Variants in GSDMC observed in about 807,000 individuals in gnomAD.
The protein encoded by GSDMC is gasdermin-C.
GSDMC carries 59 observed loss-of-function variants against 58.0 expected under a neutral mutation model. That is an observed-to-expected ratio of 1.02 (90% confidence interval 0.82 to 1.26). The LOEUF is 1.26. Ranked by LOEUF, GSDMC falls within the 50% of genes most tolerant of loss-of-function variation. The pLI is 0.00. For synonymous variants in GSDMC, 241 were observed against 220.2 expected (o/e 1.09, Z -0.83); for missense variants, 659 against 598.5 (o/e 1.10, Z -1.06).
At chr8:129,724,939 A>G in the GSDMC span, among the ~76,000 whole-genome samples, 1 of 152,286 alleles carries the variant, frequency 6.6e-6, no homozygotes, top group African/African-American at 2.4e-5. Flanking sequence ...AGGGACTAAG[A>G]TCTCAAGCTC....
intron 3 of GSDMC, among the ~76,000 whole-genome samples, chr8:129,768,503 T>C (rs887378320): frequency 6.6e-6 from 1 of 152,016 alleles, no homozygotes; most frequent in Admixed American, 6.6e-5. Flanking sequence ...CAAAATTAGT[T>C]CCACAAAGAA....
chr8:129,773,183 GCTGAAAGCTTTTC>G (rs1227128816), intron 3 of GSDMC, among the ~76,000 whole-genome samples: 2 of 152,104 alleles, frequency 1.3e-5, no homozygotes, highest in Non-Finnish European at 2.9e-5. Flanking sequence ...ATGTTGAAAA[GCTGAAAGCTTTTC>G]CTTTAAAATA....
the GSDMC span, among the ~76,000 whole-genome samples, chr8:129,707,345 G>C: frequency 2.0e-5 from 3 of 152,108 alleles, no homozygotes; most frequent in African/African-American, 7.2e-5. Flanking sequence ...TCAAAATGCA[G>C]GGAAAACATG....
In GSDMC at chr8:129,761,688, C is replaced by T. The variant is rs1483750724; in HGVS notation, c.676+938G>A. On this transcript the variant is annotated intron_variant, in intron 5 of 13. Coordinates refer to ENST00000276708, the MANE Select transcript of GSDMC (RefSeq NM_031415.3). ...GATAGTGCCACCATCTCCTGTTGCC[C>T]TCAGCAGGACTCTCTGACCTCTCCT... 3.3e-5 allele frequency among the ~76,000 whole-genome samples: 5 copies of T among 152,168 alleles called. 1 individual carries two copies. Among genetic ancestry groups the T allele is most frequent in the African/African-American group, 1.2e-4 (5 of 41,424 alleles).
chr8:129,786,358 G>A lies in GSDMC; in HGVS notation c.-352C>T, dbSNP rs2034555822. On this transcript the variant is annotated 5_prime_UTR_variant, in exon 1 of 14. Coordinates refer to ENST00000276708, the MANE Select transcript of GSDMC (RefSeq NM_031415.3). ...AAAGAGAGAAAAATAGCACAATTGA[G>A]TAGGGCCCCTTCCAATCTTCAGACC... 6.6e-6 allele frequency: 1 copy of A among 151,954 alleles called. No homozygotes were observed. Among genetic ancestry groups the A allele is most frequent in the African/African-American group, 2.4e-5 (1 of 41,344 alleles). The allele number at this position is 151,954 out of a possible 1,614,324, so 9.4% of individuals were successfully genotyped here. A position where few individuals can be genotyped will look rare whatever the true frequency, so the allele number is the denominator to read the frequency against.
chr8:129,781,749 C>CAAA (rs60219315), intron 1 of GSDMC, among the ~76,000 whole-genome samples: 4 of 128,960 alleles, frequency 3.1e-5, no homozygotes, highest in African/African-American at 2.8e-5. Flanking sequence ...GACTCCATCT[C>CAAA]AAAAAAAAAA....
At chr8:129,705,820 A>G in the GSDMC span, among the ~76,000 whole-genome samples, 3 of 152,154 alleles carry the variant, frequency 2.0e-5, no homozygotes, top group African/African-American at 7.2e-5. Context: ...GGGGCATAGA[A>G]TTTGTCTTCA....
the GSDMC span, among the ~76,000 whole-genome samples, chr8:129,738,913 T>C: frequency 2.0e-5 from 3 of 152,176 alleles, no homozygotes; most frequent in Non-Finnish European, 4.4e-5. Flanking sequence ...AAAACTCACT[T>C]AAGGCATTTC....
At chr8:129,716,276 A>G in the GSDMC span, among the ~76,000 whole-genome samples, 2 of 152,226 alleles carry the variant, frequency 1.3e-5, no homozygotes, top group Non-Finnish European at 2.9e-5. Context: ...TACTTTAAAT[A>G]TGAAGACACA....
At chr8:129,707,426 A>C in the GSDMC span, among the ~76,000 whole-genome samples, 313 of 152,284 alleles carry the variant, frequency 2.1e-3, 4 homozygotes, top group Admixed American at 0.018. Flanking sequence ...AGGCATGGTG[A>C]GGGTTTTGTA....
At chr8:129,735,411 G>A in the GSDMC span, among the ~76,000 whole-genome samples, 21,406 of 152,152 alleles carry the variant, frequency 0.14, 2,024 homozygotes, top group Non-Finnish European at 0.2. Flanking sequence ...TGGAAGTAAA[G>A]CACTCCTCAG....
chr8:129,723,638 T>A, the GSDMC span, among the ~76,000 whole-genome samples: 1 of 152,118 alleles, frequency 6.6e-6, no homozygotes, highest in Non-Finnish European at 1.5e-5. Flanking sequence ...GCTCAAACAC[T>A]CCTGGCATGA....
chr8:129,716,522 G>C, the GSDMC span, among the ~76,000 whole-genome samples: 26 of 152,186 alleles, frequency 1.7e-4, no homozygotes, highest in Admixed American at 2.6e-4. Context: ...TTGGGGCTGA[G>C]ACAATGGGGT....
intron 6 of GSDMC, among the ~76,000 whole-genome samples, chr8:129,757,822 C>T (rs2033501832): frequency 6.6e-6 from 1 of 152,000 alleles, no homozygotes; most frequent in African/African-American, 2.4e-5. Flanking sequence ...GAGACCATGT[C>T]TCTACAAAAA....
chr8:129,730,433 C>T, the GSDMC span: 1 of 1,115,856 alleles, frequency 9.0e-7, no homozygotes, highest in Non-Finnish European at 1.2e-6. Context: ...AAATTATTTC[C>T]CAAAAAGTTT....
At chr8:129,782,373 A>G (rs918545742) in intron 1 of GSDMC, among the ~76,000 whole-genome samples, 5 of 152,184 alleles carry the variant, frequency 3.3e-5, no homozygotes, top group African/African-American at 1.2e-4. Context: ...TCAGAGCAGA[A>G]ATAAATGAAG....
chr8:129,705,552 T>A, the GSDMC span: 1 of 152,790 alleles, frequency 6.5e-6, no homozygotes, highest in Non-Finnish European at 1.5e-5. Flanking sequence ...CTTCTTCACA[T>A]GGCAGCAGCA....
At chr8:129,783,333 T>C (rs1366397942) in intron 1 of GSDMC, among the ~76,000 whole-genome samples, 1 of 152,156 alleles carries the variant, frequency 6.6e-6, no homozygotes, top group Admixed American at 6.5e-5. Context: ...TGGTCTTATA[T>C]ATGGAACAAA....
At chr8:129,760,642 A>AGTCTTT in intron 5 of GSDMC, 53 bp from the exon 6 acceptor site, 197 of 1,016,032 alleles carry the variant, frequency 1.9e-4, no homozygotes, top group Non-Finnish European at 2.8e-4. Context: ...TTCCTGCCTG[A>AGTCTTT]ACCTAGACCA....
Sources: gnomAD v4.1 joint callset for allele counts (sites outside exome capture counted in the v4.1 genomes callset) on GRCh38, gnomAD v4.1.1 for gene constraint, MANE v1.5 for transcripts, NCBI Gene and HGNC (gene_info 2026-07-23, HGNC 2026-07-21) for gene names.